Variants in MAGEB17 observed in about 807,000 individuals in gnomAD.
MAGEB17 encodes MAGE family member B17.
For synonymous variants in MAGEB17, 110 were observed against 112.4 expected (o/e 0.98, Z 0.13); for missense variants, 251 against 281.4 (o/e 0.89, Z 0.77).
At chrX:16,170,009 G>T (rs1417410656) in intron 1 of MAGEB17, among the ~76,000 whole-genome samples, 1 of 111,359 alleles carries the variant, frequency 9.0e-6, no homozygotes, top group African/African-American at 3.3e-5. Flanking sequence ...TGGAGCCACC[G>T]ACCCCAAATT....
At chrX:16,170,287 A>G (rs1439478361) in intron 1 of MAGEB17, 47 bp from the exon 2 acceptor site, 2 of 1,095,970 alleles carry the variant, frequency 1.8e-6, no homozygotes, top group African/African-American at 3.8e-5. Context: ...CCTTAAGGTG[A>G]TATCTCCCCA....
At position 16,170,725 on chromosome X, in the gene MAGEB17, G is replaced by A. The variant is rs768625586; in HGVS notation, c.343G>A (p.Glu115Lys). The A allele has an allele frequency of 1.6e-5, 19 of 1,165,745 alleles. No homozygotes were observed. The East Asian group carries it at 3.3e-4, about 20-fold the overall frequency. ...GRDLLNTKTGELVQFLLNKYI... is the reference protein window; with the variant it reads ...GRDLLNTKTGKLVQFLLNKYI... ...AGATCTTCTGAACACGAAGACGGGC[G>A]AATTGGTGCAGTTCCTCCTCAACAA... The change falls in exon 2 of 2, where the codon GAA (glutamate) becomes AAA (lysine). Residue 115 changes from glutamate to lysine, a missense_variant. Glu to Lys is a moderately conservative substitution (Grantham distance 56). Coordinates refer to ENST00000400004, the MANE Select transcript of MAGEB17 (RefSeq NM_001277307.2).
rs749156261 is a variant in MAGEB17, at chrX:16,171,211, G to T, written c.829G>T (p.Ala277Ser). The T allele has an allele frequency of 8.3e-7, 1 of 1,210,111 alleles. No individual in the cohort carries two copies. Among genetic ancestry groups the T allele is most frequent in the Non-Finnish European group, 1.1e-6 (1 of 894,794 alleles). ...PRYEFLWGPR[A>S]RAETSKMKVL... ...CTACGAGTTCCTGTGGGGTCCCAGG[G>T]CCCGTGCTGAAACCAGCAAAATGAA... Residue 277 changes from alanine (A) to serine (S), a missense_variant, in exon 2 of 2, where the codon GCC (alanine) becomes TCC (serine). Transcript: ENST00000400004.
Position 16,171,288 on chromosome X carries a change from G to A in MAGEB17, c.906G>A (p.Lys302=), listed in dbSNP as rs765950235. 5 of 1,202,154 alleles carry A rather than the reference G, an allele frequency of 4.2e-6. No individual in the cohort carries two copies. In the Admixed American group the frequency reaches 1.1e-4, roughly 27 times the overall value. Residue 302 remains lysine, a synonymous_variant, in exon 2 of 2, where the codon AAG becomes AAA. Coordinates refer to ENST00000400004, the MANE Select transcript of MAGEB17 (RefSeq NM_001277307.2). ...KLNDTVASTY[K]SRYEEALREE... ...ATGATACCGTTGCCAGTACCTACAA[G>A]TCCCGGTATGAGGAGGCTCTGAGAG...
Position 16,170,961 on chromosome X carries a change from C to A in MAGEB17, c.579C>A (p.Gly193=), listed in dbSNP as rs774542651. ...CCAATCAAGGAAGCTTGAGCGATGG[C>A]GGGGGCTTTCCCCTGAGCGGGCTCC... ...DFPNQGSLSD[G]GGFPLSGLLM... is the part of the protein sequence containing the mutation. Residue 193 remains glycine, a synonymous_variant, in exon 2 of 2, where the codon GGC becomes GGA. Coordinates refer to ENST00000400004, the MANE Select transcript of MAGEB17 (RefSeq NM_001277307.2). 1 of 1,165,890 alleles carries A rather than the reference C, an allele frequency of 8.6e-7. No homozygotes were observed. The highest frequency in any genetic ancestry group is 2.6e-5 in the Admixed American group (1 of 38,664).
intron 1 of MAGEB17, 73 bp from the exon 2 acceptor site, chrX:16,170,261 A>C (rs1923027212): frequency 4.6e-6 from 5 of 1,079,011 alleles, no homozygotes; most frequent in Non-Finnish European, 6.0e-6. Flanking sequence ...CCTCAAGGAC[A>C]CCTGCATGGA....
In MAGEB17 at chrX:16,170,566, TC is replaced by T. The variant is rs2147044814; in HGVS notation, c.187del (p.Gln63ArgfsTer47). 8.6e-7 allele frequency: 1 copy of T among 1,166,179 alleles called. No homozygotes were observed. Among genetic ancestry groups the T allele is most frequent in the South Asian group, 1.9e-5 (1 of 52,618 alleles). On this transcript the variant is annotated frameshift_variant, in exon 2 of 2. Coordinates refer to ENST00000400004, the MANE Select transcript of MAGEB17 (RefSeq NM_001277307.2). LOFTEE classifies it low-confidence loss of function (END_TRUNC). ...SFPNAGIPQE[S>X]QRASYPSSPA... ...CCCCAATGCAGGCATTCCTCAGGAG[TC>T]CCAGAGAGCCAGCTACCCCAGCTCT...
chrX:16,170,578 A>G lies in MAGEB17; in HGVS notation c.196A>G (p.Ser66Gly). ...AGIPQESQRA[S>G]YPSSPASAVS... ...CATTCCTCAGGAGTCCCAGAGAGCC[A>G]GCTACCCCAGCTCTCCTGCTTCAGC... The change falls in exon 2 of 2, where the codon AGC becomes GGC. Residue 66 changes from serine (S) to glycine (G), a missense_variant. Coordinates refer to ENST00000400004, the MANE Select transcript of MAGEB17 (RefSeq NM_001277307.2). The G allele has an allele frequency of 8.6e-7, 1 of 1,167,032 alleles. No individual in the cohort carries two copies. The highest frequency in any genetic ancestry group is 1.1e-6 in the Non-Finnish European group (1 of 873,050).
intron 1 of MAGEB17, chrX:16,168,908 G>A (rs1052488011): frequency 3.4e-5 from 3 of 88,077 alleles, no homozygotes; most frequent in Non-Finnish European, 4.7e-5. Context: ...GGGGAGTGAA[G>A]GTAAAAAAAA....
In MAGEB17 at chrX:16,170,646, G is replaced by A. The variant is rs1260211719; in HGVS notation, c.264G>A (p.Lys88=). ...CTGATGAAGGTGCCAAGGGCCAAAA[G>A]GGGGAAAGTCCCAACTCCTTCCATG... The part of the protein sequence containing the change: ...TSSDEGAKGQ[K]GESPNSFHGP... Residue 88 remains lysine, a synonymous_variant, in exon 2 of 2, where the codon AAG becomes AAA. Coordinates refer to ENST00000400004, the MANE Select transcript of MAGEB17 (RefSeq NM_001277307.2). The A allele has an allele frequency of 8.6e-7, 1 of 1,167,231 alleles. No homozygotes were observed.
Position 16,171,114 on chromosome X carries a change from G to A in MAGEB17, c.732G>A (p.Glu244=), listed in dbSNP as rs1923053019. 5.8e-6 allele frequency: 7 copies of A among 1,206,843 alleles called. No homozygotes were observed. Among genetic ancestry groups the A allele is most frequent in the Non-Finnish European group, 7.8e-6 (7 of 893,447 alleles). ...ACTTCATCTATGGGGAGCCCCAGGAGCTTGTCACCAAAGATTTGGTGCGAG... is the reference window on the plus strand; with the variant it reads ...ACTTCATCTATGGGGAGCCCCAGGAACTTGTCACCAAAGATTTGGTGCGAG... The part of the protein sequence containing the change: ...RKHFIYGEPQ[E]LVTKDLVREG... The change falls in exon 2 of 2, where the codon GAG becomes GAA. Residue 244 remains glutamate (E), a synonymous_variant. Transcript: ENST00000400004.
At chrX:16,168,086 T>A (rs555851156) in intron 1 of MAGEB17, among the ~76,000 whole-genome samples, 1 of 112,251 alleles carries the variant, frequency 8.9e-6, no homozygotes, top group Non-Finnish European at 1.9e-5. Context: ...ACACCTGTGA[T>A]CCCAGTGCTT....
rs1053504570 is a variant in MAGEB17 at position 16,170,767 on chromosome X, C to A, written c.385C>A (p.Pro129Thr). Residue 129 changes from proline to threonine, a missense_variant, in exon 2 of 2, where the codon CCC (proline) becomes ACC (threonine). Pro to Thr is a conservative substitution (Grantham distance 38). Coordinates refer to ENST00000400004, the MANE Select transcript of MAGEB17 (RefSeq NM_001277307.2). ...FLLNKYIRKE[P>T]ITREAMLKVI... Reference sequence around the variant, plus strand: ...CCTCAACAAGTATATAAGGAAAGAGCCCATTACGAGGGAAGCCATGCTGAA... The same window carrying A: ...CCTCAACAAGTATATAAGGAAAGAGACCATTACGAGGGAAGCCATGCTGAA... 1 of 1,167,213 alleles carries A rather than the reference C, an allele frequency of 8.6e-7. No homozygotes were observed. Among genetic ancestry groups the A allele is most frequent in the Non-Finnish European group, 1.1e-6 (1 of 873,071 alleles).
intron 1 of MAGEB17, among the ~76,000 whole-genome samples, chrX:16,169,913 C>T (rs1212201603): frequency 2.7e-5 from 3 of 111,292 alleles, no homozygotes; most frequent in African/African-American, 9.8e-5. Context: ...TGCTTTCTTT[C>T]CCCTTGGGGT....
At position 16,171,290 on chromosome X, in the gene MAGEB17, C is replaced by T. The variant is rs994792693; in HGVS notation, c.908C>T (p.Ser303Phe). 1.2e-5 allele frequency: 15 copies of T among 1,201,802 alleles called. No individual in the cohort carries two copies. Among genetic ancestry groups the T allele is most frequent in the Non-Finnish European group, 1.6e-5 (14 of 891,415 alleles). The part of the protein sequence containing the change: ...LNDTVASTYK[S>F]RYEEALREEE... ...GATACCGTTGCCAGTACCTACAAGT[C>T]CCGGTATGAGGAGGCTCTGAGAGAG... Residue 303 changes from serine to phenylalanine, a missense_variant, in exon 2 of 2, where the codon TCC (serine) becomes TTC (phenylalanine). Transcript: ENST00000400004.
At position 16,170,321 on chromosome X, in the gene MAGEB17, C is replaced by A; in HGVS notation, c.-49-13C>A. ...CACTGAGGGGCTCACACACTCTGTT[C>A]CTCCTGCTCCAGGTGCCCACCTCCT... On this transcript the variant is annotated splice_polypyrimidine_tract_variant and intron_variant, in intron 1 of 1. Coordinates refer to ENST00000400004, the MANE Select transcript of MAGEB17 (RefSeq NM_001277307.2). The A allele has an allele frequency of 8.9e-7, 1 of 1,120,453 alleles. No individual in the cohort carries two copies. Among genetic ancestry groups the A allele is most frequent in the Non-Finnish European group, 1.2e-6 (1 of 851,370 alleles). 92.3% of individuals were successfully genotyped at this position (1,120,453 alleles called of 1,213,427 possible).
chrX:16,170,657 C>A lies in MAGEB17; in HGVS notation c.275C>A (p.Pro92His), dbSNP rs931111942. The A allele has an allele frequency of 1.9e-5, 22 of 1,165,469 alleles. No homozygotes were observed. Among genetic ancestry groups the A allele is most frequent in the Middle Eastern group, 4.6e-4 (2 of 4,330 alleles). Residue 92 changes from proline (P) to histidine (H), a missense_variant, in exon 2 of 2, where the codon CCC (proline) becomes CAC (histidine). Pro to His is a moderately conservative substitution (Grantham distance 77). Coordinates refer to ENST00000400004, the MANE Select transcript of MAGEB17 (RefSeq NM_001277307.2). ...GCCAAGGGCCAAAAGGGGGAAAGTC[C>A]CAACTCCTTCCATGGCCCGTCCTCC... is the stretch of plus-strand genomic sequence containing the variant. ...EGAKGQKGES[P>H]NSFHGPSSSE... is the part of the protein sequence containing the mutation.
chrX:16,169,932 G>C (rs1923019754), intron 1 of MAGEB17, among the ~76,000 whole-genome samples: 1 of 111,103 alleles, frequency 9.0e-6, no homozygotes, highest in Non-Finnish European at 1.9e-5. Context: ...GTGGGGGTGA[G>C]GTCTCAGGAA....
intron 1 of MAGEB17, among the ~76,000 whole-genome samples, chrX:16,169,945 T>C (rs1345544889): frequency 1.8e-5 from 2 of 110,369 alleles, no homozygotes; most frequent in Non-Finnish European, 3.8e-5. Context: ...CTCAGGAAGG[T>C]GAGGGCCTTG....
Sources: allele counts gnomAD v4.1 joint callset (sites outside exome capture counted in the v4.1 genomes callset), GRCh38; gene constraint gnomAD v4.1.1; transcripts MANE v1.5; gene names NCBI Gene and HGNC (gene_info 2026-07-23, HGNC 2026-07-21).